The following EIF2S3 variants were observed in gnomAD, a reference collection of about 807,000 sequenced individuals.
The protein encoded by EIF2S3 is eukaryotic translation initiation factor 2 subunit 3.
In EIF2S3, 2 loss-of-function variants were observed where a neutral mutation model predicts 31.7. That is an observed-to-expected ratio of 0.06 (90% CI 0.03 to 0.20). The LOEUF (loss-of-function observed/expected upper bound fraction) is 0.20. Among genes scored for constraint, EIF2S3 ranks in the 10% least tolerant of loss-of-function variants. The pLI is 1.00. For missense variants in EIF2S3, 96 were observed against 359.3 expected (o/e 0.27, Z 5.92); for synonymous variants, 120 against 126.7 (o/e 0.95, Z 0.36).
Position 24,076,850 on chromosome X carries a change from G to A in EIF2S3, c.*65G>A. On this transcript the variant is annotated 3_prime_UTR_variant, in exon 12 of 12. Coordinates refer to ENST00000253039, the MANE Select transcript of EIF2S3 (RefSeq NM_001415.4). ...GTTGGAATTCCTCTTAACAACCAAG[G>A]GGTTTATTTTCAAAGCAATATTGGG... is the stretch of plus-strand genomic sequence containing the variant. 9.8e-7 allele frequency: 1 copy of A among 1,023,415 alleles called. No individual in the cohort carries two copies. Among genetic ancestry groups the A allele is most frequent in the Non-Finnish European group, 1.3e-6 (1 of 753,257 alleles). The allele number at this position is 1,023,415 out of a possible 1,213,427, so 84.3% of individuals were successfully genotyped here. A position where few individuals can be genotyped will look rare whatever the true frequency, so the allele number is the denominator to read the frequency against.
chrX:24,057,022 T>TTTTA (rs1418517550), intron 2 of EIF2S3, among the ~76,000 whole-genome samples: 1 of 83,981 alleles, frequency 1.2e-5, no homozygotes, highest in South Asian at 4.3e-4. Flanking sequence ...TTGGCTTTAA[T>TTTTA]TGTATTTATT....
intron 5 of EIF2S3, among the ~76,000 whole-genome samples, chrX:24,060,631 T>C (rs774949118): frequency 9.0e-6 from 1 of 110,966 alleles, no homozygotes; most frequent in African/African-American, 3.3e-5. Context: ...TTGTTTCTTA[T>C]GTTAGCTGTT....
intron 5 of EIF2S3, among the ~76,000 whole-genome samples, chrX:24,061,631 TGAG>T (rs1366971300): frequency 9.0e-6 from 1 of 110,757 alleles, no homozygotes; most frequent in African/African-American, 3.3e-5. Context: ...TATCACGACT[TGAG>T]GAGGTTGATC....
Position 24,071,592 on chromosome X carries a change from G to A in EIF2S3, c.1047G>A (p.Arg349=). ...CAAAAATTGACCCCACTTTGTGCCG[G>A]GCTGACAGAATGGTGGGGCAAGTAC... is the stretch of plus-strand genomic sequence containing the variant. ...VGTKIDPTLC[R]ADRMVGQVLG... is the part of the protein sequence containing the mutation. Residue 349 remains arginine, a synonymous_variant, in exon 10 of 12, where the codon CGG becomes CGA. Coordinates refer to ENST00000253039, the MANE Select transcript of EIF2S3 (RefSeq NM_001415.4). 8.3e-7 allele frequency: 1 copy of A among 1,210,766 alleles called. No individual in the cohort carries two copies. The highest frequency in any genetic ancestry group is 1.1e-6 in the Non-Finnish European group (1 of 895,320).
chrX:24,067,360 T>C (rs1322459249), intron 8 of EIF2S3, among the ~76,000 whole-genome samples: 4 of 111,561 alleles, frequency 3.6e-5, no homozygotes, highest in East Asian at 2.8e-4. Flanking sequence ...TTTTCTGTTA[T>C]GTCTTTTGAA....
chrX:24,074,697 C>T (rs1178251633), intron 11 of EIF2S3, among the ~76,000 whole-genome samples: 1 of 110,092 alleles, frequency 9.1e-6, no homozygotes, highest in Non-Finnish European at 1.9e-5. Flanking sequence ...ATTTCCCTAT[C>T]TAGTTATAAT....
intron 11 of EIF2S3, among the ~76,000 whole-genome samples, chrX:24,075,937 C>G (rs1180160892): frequency 2.7e-5 from 3 of 110,000 alleles, no homozygotes; most frequent in African/African-American, 6.6e-5. Context: ...CTCCTGGCCT[C>G]AAGCCATCCT....
intron 9 of EIF2S3, among the ~76,000 whole-genome samples, chrX:24,068,841 G>T (rs1930618032): frequency 9.0e-6 from 1 of 111,729 alleles, no homozygotes; most frequent in Non-Finnish European, 1.9e-5. Context: ...AGAAATAAAA[G>T]AAAGTAAATT....
chrX:24,058,039 A>C (rs1930430167), intron 4 of EIF2S3, among the ~76,000 whole-genome samples: 1 of 112,507 alleles, frequency 8.9e-6, no homozygotes, highest in Admixed American at 9.5e-5. Context: ...ATTTCTTTTA[A>C]ACAGCGCTGT....
intron 9 of EIF2S3, among the ~76,000 whole-genome samples, chrX:24,069,803 G>T (rs1324458494): frequency 4.1e-5 from 4 of 98,528 alleles, no homozygotes; most frequent in African/African-American, 1.5e-4. Flanking sequence ...TAATTCTCCT[G>T]CCTCAGCCTC....
Position 24,056,074 on chromosome X carries a change from C to A in EIF2S3, c.133+396C>A, listed in dbSNP as rs1043760613. ...GAAGGTTTTTTTTCTTAATTGGCAC[C>A]TAGAACTTTAGAGGAGAAGTTACGT... On this transcript the variant is annotated intron_variant, in intron 2 of 11. Coordinates refer to ENST00000253039, the MANE Select transcript of EIF2S3 (RefSeq NM_001415.4). Among the ~76,000 whole-genome samples the A allele has an allele frequency of 3.6e-5, 4 of 111,573 alleles. 1 individual carries two copies. The highest frequency in any genetic ancestry group is 1.3e-4 in the African/African-American group (4 of 30,683).
chrX:24,071,193 A>G (rs1267517717), intron 9 of EIF2S3, among the ~76,000 whole-genome samples: 4 of 105,739 alleles, frequency 3.8e-5, no homozygotes, highest in Admixed American at 1.0e-4. Flanking sequence ...TATCTAATTC[A>G]CTTTTTTTTT....
Position 24,076,924 on chromosome X carries a change from CTCTTTTTT to C in EIF2S3, c.*141_*148del, listed in dbSNP as rs1271987474. On this transcript the variant is annotated 3_prime_UTR_variant, in exon 12 of 12. Transcript: ENST00000253039. Reference sequence around the variant, plus strand: ...CTTAGTAGGTAACGGTAAGGTTATTCTCTTTTTTTTTTTTTTTTTTTTTGGTTATGAAA... The same window carrying C: ...CTTAGTAGGTAACGGTAAGGTTATTCTTTTTTTTTTTTTTTGGTTATGAAA... 6.5e-4 allele frequency: 77 copies of C among 117,594 alleles called. No homozygotes were observed. Among genetic ancestry groups the C allele is most frequent in the Middle Eastern group, 4.7e-3 (2 of 430 alleles). The allele number at this position is 117,594 out of a possible 1,213,427, so 9.7% of individuals were successfully genotyped here.
intron 9 of EIF2S3, among the ~76,000 whole-genome samples, chrX:24,069,147 T>G (rs1344601355): frequency 9.0e-6 from 1 of 110,974 alleles, no homozygotes. Context: ...TTTGGGAGGC[T>G]GAGGTGGGTG....
chrX:24,068,017 A>G lies in EIF2S3; in HGVS notation c.921A>G (p.Gly307=). The G allele has an allele frequency of 1.7e-6, 2 of 1,205,293 alleles. No individual in the cohort carries two copies. The highest frequency in any genetic ancestry group is 2.2e-6 in the Non-Finnish European group (2 of 891,051). ...RPGIVSKDSE[G]KLMCKPIFSK... ...GTATTGTTTCCAAAGATAGTGAAGG[A>G]AAACTCATGTGTAAACCAATCTTTT... The change falls in exon 9 of 12, where the codon GGA becomes GGG. Residue 307 remains glycine, a synonymous_variant. Transcript: ENST00000253039.
chrX:24,071,497 T>C (rs1051447789), intron 9 of EIF2S3, 61 bp from the exon 10 acceptor site: 32 of 1,120,406 alleles, frequency 2.9e-5, no homozygotes, highest in Non-Finnish European at 3.7e-5. Flanking sequence ...GCCAACTAAT[T>C]CACTTTATAG....
chrX:24,072,935 A>G (rs958440190), intron 10 of EIF2S3, among the ~76,000 whole-genome samples, 156 bp from the exon 11 acceptor site: 2 of 112,281 alleles, frequency 1.8e-5, no homozygotes, highest in Non-Finnish European at 3.8e-5. Flanking sequence ...CAAATAAACT[A>G]TACTATATAT....
intron 11 of EIF2S3, among the ~76,000 whole-genome samples, chrX:24,074,202 C>G (rs1930714855): frequency 8.9e-6 from 1 of 112,227 alleles, no homozygotes; most frequent in Non-Finnish European, 1.9e-5. Context: ...CAGCCTTTGT[C>G]TTAATTGACA....
chrX:24,063,511 A>G (rs898428638), intron 6 of EIF2S3, among the ~76,000 whole-genome samples: 4 of 111,458 alleles, frequency 3.6e-5, no homozygotes, highest in Non-Finnish European at 5.6e-5. Flanking sequence ...TGGGCGTGGT[A>G]GCTCACACTT....
Sources: allele counts gnomAD v4.1 joint callset (sites outside exome capture counted in the v4.1 genomes callset), GRCh38; gene constraint gnomAD v4.1.1; transcripts MANE v1.5; gene names NCBI Gene and HGNC (gene_info 2026-07-23, HGNC 2026-07-21).